SRPK2: variants seen among roughly 807,000 people sequenced by gnomAD.
SRPK2 encodes SFRS protein kinase 2.
In SRPK2, 21 loss-of-function variants were observed where a neutral mutation model predicts 90.8. The observed-to-expected ratio is 0.23, with a 90% CI of 0.16 to 0.33. The LOEUF is 0.33. SRPK2 is among the 10% of genes least tolerant of loss of function. The probability of loss-of-function intolerance (pLI) is 1.00; values close to 1 mark genes in which losing one functional copy is unlikely to be tolerated. For missense variants in SRPK2, 620 were observed against 869.0 expected (o/e 0.71, Z 3.60); for synonymous variants, 288 against 311.1 (o/e 0.93, Z 0.78).
At chr7:105,168,205 C>T (rs1217258862) in intron 4 of SRPK2, 110 bp from the exon 5 acceptor site, 3 of 854,976 alleles carry the variant, frequency 3.5e-6, no homozygotes, top group Admixed American at 2.8e-5. Context: ...CCAAAATGCG[C>T]CAAAACCTAA....
intron 2 of SRPK2, among the ~76,000 whole-genome samples, chr7:105,288,419 C>CCTA (rs1277068885): frequency 1.3e-5 from 2 of 151,984 alleles, no homozygotes; most frequent in African/African-American, 4.8e-5. Context: ...CACAGTGAAC[C>CCTA]CTATCTCTAC....
chr7:105,149,136 T>A (rs985049027), intron 7 of SRPK2, among the ~76,000 whole-genome samples: 2 of 151,982 alleles, frequency 1.3e-5, no homozygotes, highest in African/African-American at 4.8e-5. Context: ...CTCTTGCAGT[T>A]GAGATAGAGG....
At chr7:105,282,861 G>C (rs1038736883) in intron 2 of SRPK2, among the ~76,000 whole-genome samples, 1 of 148,766 alleles carries the variant, frequency 6.7e-6, no homozygotes, top group Non-Finnish European at 1.5e-5. Flanking sequence ...AAACCCACAA[G>C]ATGGGAGAAA....
At chr7:105,180,249 T>A (rs555538116) in intron 3 of SRPK2, among the ~76,000 whole-genome samples, 1 of 151,530 alleles carries the variant, frequency 6.6e-6, no homozygotes, top group Non-Finnish European at 1.5e-5. Flanking sequence ...TGGAACAGAG[T>A]AGAGAGCCCA....
At position 105,222,514 on chromosome 7, in the gene SRPK2, T is replaced by C. The variant is rs368080066; in HGVS notation, c.72-18729A>G. ...CAATTTAAGCATTTTAAGCAGAAAA[T>C]AGTTTTTTAACCATAAAATCATTAG... On this transcript the variant is annotated intron_variant, in intron 2 of 15. Transcript: ENST00000393651. Among the ~76,000 whole-genome samples the C allele has an allele frequency of 1.6e-4, 24 of 152,302 alleles. No individual in the cohort carries two copies. In the East Asian group the frequency reaches 4.0e-3, roughly 26 times the overall value.
At chr7:105,263,718 A>G (rs908959491) in intron 2 of SRPK2, among the ~76,000 whole-genome samples, 1 of 152,158 alleles carries the variant, frequency 6.6e-6, no homozygotes, top group Non-Finnish European at 1.5e-5. Flanking sequence ...TAGGCTTGGC[A>G]AAGATTTCTT....
intron 3 of SRPK2, among the ~76,000 whole-genome samples, chr7:105,177,654 G>T (rs1342367324): frequency 6.6e-6 from 1 of 152,084 alleles, no homozygotes; most frequent in Non-Finnish European, 1.5e-5. Flanking sequence ...GTCAGGGCAG[G>T]GAGTTCATAG....
chr7:105,202,559 G>T (rs1474624098), intron 3 of SRPK2, among the ~76,000 whole-genome samples: 1 of 152,120 alleles, frequency 6.6e-6, no homozygotes, highest in Non-Finnish European at 1.5e-5. Context: ...CACAAAGCAT[G>T]GTGTCTAGAT....
intron 2 of SRPK2, among the ~76,000 whole-genome samples, 160 bp downstream of exon 2, chr7:105,388,488 C>T (rs889556677): frequency 1.4e-5 from 2 of 146,684 alleles, no homozygotes; most frequent in Non-Finnish European, 3.0e-5. Flanking sequence ...CGCCGCCCCT[C>T]CCCCCGGGCC....
At chr7:105,247,901 A>C in intron 2 of SRPK2, among the ~76,000 whole-genome samples, 2 of 138,590 alleles carry the variant, frequency 1.4e-5, no homozygotes, top group African/African-American at 5.5e-5. Flanking sequence ...ACAGAGTTTC[A>C]CTCTTGGTGC....
rs559233082 is a variant in SRPK2 at position 105,256,113 on chromosome 7, T to A, written c.72-52328A>T. Among the ~76,000 whole-genome samples, 136 of 152,310 alleles carry A rather than the reference T, an allele frequency of 8.9e-4. 2 individuals carry two copies. The highest frequency in any genetic ancestry group is 1.5e-3 in the Admixed American group (23 of 15,294). ...AAATCCAGAGACACACCTGTGAGCA[T>A]CAAGATAATTTTACTTCCATTATTT... On this transcript the variant is annotated intron_variant, in intron 2 of 15. Coordinates refer to ENST00000393651, the MANE Select transcript of SRPK2 (RefSeq NM_182692.3).
At chr7:105,321,744 T>C (rs1812965922) in intron 2 of SRPK2, among the ~76,000 whole-genome samples, 1 of 151,998 alleles carries the variant, frequency 6.6e-6, no homozygotes. Context: ...GAGGCACAAC[T>C]TCACACCCAC....
At chr7:105,274,643 GA>G (rs113747387) in intron 2 of SRPK2, among the ~76,000 whole-genome samples, 25 of 144,404 alleles carry the variant, frequency 1.7e-4, no homozygotes, top group Middle Eastern at 6.9e-3. Flanking sequence ...CTCAAAGAAA[GA>G]AAAAAAAAAA....
At chr7:105,331,881 A>G (rs1814459901) in intron 2 of SRPK2, among the ~76,000 whole-genome samples, 1 of 152,198 alleles carries the variant, frequency 6.6e-6, no homozygotes, top group South Asian at 2.1e-4. Context: ...CACCTTGGCC[A>G]GGCACAGTGG....
chr7:105,150,691 G>A (rs1456648125), intron 7 of SRPK2, among the ~76,000 whole-genome samples: 3 of 152,138 alleles, frequency 2.0e-5, no homozygotes, highest in Non-Finnish European at 4.4e-5. Flanking sequence ...TGAATAATAT[G>A]TGGAGTTCTA....
At chr7:105,283,269 C>A (rs1187141080) in intron 2 of SRPK2, among the ~76,000 whole-genome samples, 2 of 152,320 alleles carry the variant, frequency 1.3e-5, no homozygotes, top group African/African-American at 2.4e-5. Context: ...TATGACCCAA[C>A]AATTCTCCTC....
At chr7:105,269,712 G>C (rs1214351873) in intron 2 of SRPK2, among the ~76,000 whole-genome samples, 2 of 152,178 alleles carry the variant, frequency 1.3e-5, no homozygotes, top group African/African-American at 4.8e-5. Flanking sequence ...AGAGGGAAAA[G>C]ATAAGGAGAC....
At chr7:105,207,577 G>T (rs1042823147) in intron 2 of SRPK2, among the ~76,000 whole-genome samples, 2 of 152,024 alleles carry the variant, frequency 1.3e-5, no homozygotes, top group African/African-American at 4.8e-5. Flanking sequence ...ATAATTAAAT[G>T]GTAAAAGAAT....
intron 2 of SRPK2, among the ~76,000 whole-genome samples, chr7:105,381,788 G>A (rs1820980466): frequency 6.6e-6 from 1 of 152,152 alleles, no homozygotes; most frequent in South Asian, 2.1e-4. Flanking sequence ...GGGCTTATGA[G>A]CTTGAATTTA....
Sources: allele counts gnomAD v4.1 joint callset (sites outside exome capture counted in the v4.1 genomes callset), GRCh38; gene constraint gnomAD v4.1.1; transcripts MANE v1.5; gene names NCBI Gene and HGNC (gene_info 2026-07-23, HGNC 2026-07-21).